Variants in DLG2 observed in about 807,000 individuals in gnomAD.
DLG2 encodes discs large MAGUK scaffold protein 2, also known as disks large homolog 2.
Under a neutral mutation model 132.5 loss-of-function variants are expected in DLG2, and 45 were observed. The observed-to-expected ratio is 0.34, with a 90% CI of 0.27 to 0.44. The LOEUF (loss-of-function observed/expected upper bound fraction) is 0.44. Among genes scored for constraint, DLG2 ranks in the 20% least tolerant of loss-of-function variants. The pLI is 1.00. For synonymous variants in DLG2, 424 were observed against 419.6 expected (o/e 1.01, Z -0.13); for missense variants, 1,045 against 1,196.9 (o/e 0.87, Z 1.87).
rs887368106 is a variant in DLG2, at chr11:85,193,708, T to A, written c.187-39057A>T. On this transcript the variant is annotated intron_variant, in intron 4 of 27. Coordinates refer to ENST00000376104, the MANE Select transcript of DLG2 (RefSeq NM_001142699.3). ...ATTACGTATTCAAATTCTTTGCCCA[T>A]TTTTTTAAAATTGGATTGTATTTTT... Among the ~76,000 whole-genome samples, 5 of 152,334 alleles carry A rather than the reference T, an allele frequency of 3.3e-5. No individual in the cohort carries two copies. In the East Asian group the frequency reaches 5.8e-4, roughly 18 times the overall value.
At chr11:83,513,218 G>A (rs192645431) in intron 21 of DLG2, among the ~76,000 whole-genome samples, 8 of 152,168 alleles carry the variant, frequency 5.3e-5, no homozygotes, top group South Asian at 2.1e-4. Context: ...TTTAATCATC[G>A]CCATTCTAAC....
At chr11:85,509,117 G>A (rs62388) in intron 3 of DLG2, among the ~76,000 whole-genome samples, 133,915 of 152,038 alleles carry the variant, frequency 0.88, 59,210 homozygotes, top group Non-Finnish European at 0.91. Flanking sequence ...CACTTACACA[G>A]AAAATTTCGC....
intron 3 of DLG2, among the ~76,000 whole-genome samples, chr11:85,403,003 A>G (rs551264470): frequency 1.3e-5 from 2 of 152,318 alleles, no homozygotes; most frequent in South Asian, 4.1e-4. Flanking sequence ...TATATACCCA[A>G]AGGATTATAA....
At chr11:84,520,674 G>C (rs528752241) in intron 7 of DLG2, among the ~76,000 whole-genome samples, 3 of 152,194 alleles carry the variant, frequency 2.0e-5, no homozygotes, top group South Asian at 2.1e-4. Context: ...TAGAAAGTGG[G>C]AATGAGAAAA....
chr11:85,551,066 A>T (rs1400309798), intron 3 of DLG2, among the ~76,000 whole-genome samples: 1 of 152,230 alleles, frequency 6.6e-6, no homozygotes, highest in Non-Finnish European at 1.5e-5. Flanking sequence ...CCATTATCAA[A>T]ATATGAGGTA....
intron 16 of DLG2, among the ~76,000 whole-genome samples, chr11:83,866,639 A>C (rs190600634): frequency 6.6e-6 from 1 of 152,196 alleles, no homozygotes; most frequent in Non-Finnish European, 1.5e-5. Context: ...AATTACATTG[A>C]GACCATTTTT....
chr11:83,863,649 T>C (rs1669049874), intron 16 of DLG2, among the ~76,000 whole-genome samples: 1 of 148,136 alleles, frequency 6.8e-6, no homozygotes, highest in Non-Finnish European at 1.5e-5. Context: ...ATTTATAGAC[T>C]TAAAAAAATA....
chr11:84,861,646 A>AAAAAAAAAAAC, intron 6 of DLG2, among the ~76,000 whole-genome samples: 1 of 142,438 alleles, frequency 7.0e-6, no homozygotes, highest in African/African-American at 2.6e-5. Context: ...AAAACAAAAA[A>AAAAAAAAAAAC]AAAAACCTAT....
At chr11:84,578,555 C>T (rs1375325937) in intron 6 of DLG2, among the ~76,000 whole-genome samples, 2 of 152,122 alleles carry the variant, frequency 1.3e-5, no homozygotes, top group Admixed American at 6.5e-5. Flanking sequence ...GCCCTGTAAC[C>T]CCTTTGTTTT....
rs1370426436 is a variant in DLG2 at position 84,779,711 on chromosome 11, CAG to C, written c.358-244982_358-244981del. On this transcript the variant is annotated intron_variant, in intron 6 of 27. Coordinates refer to ENST00000376104, the MANE Select transcript of DLG2 (RefSeq NM_001142699.3). Reference sequence around the variant, plus strand: ...AAAGGAGACATTAAAATTAATGCCACAGAAACATGAAAGTTCATCAGAGACTA... The same window carrying C: ...AAAGGAGACATTAAAATTAATGCCACAAACATGAAAGTTCATCAGAGACTA... Among the ~76,000 whole-genome samples the C allele has an allele frequency of 2.0e-5, 3 of 151,940 alleles. No homozygotes were observed. In the East Asian group the frequency reaches 5.8e-4, roughly 29 times the overall value.
chr11:85,024,729 C>T (rs1181745577), intron 6 of DLG2, among the ~76,000 whole-genome samples: 5 of 152,190 alleles, frequency 3.3e-5, no homozygotes, highest in East Asian at 1.9e-4. Context: ...GTTTCATGAA[C>T]GTACTCCCCT....
At chr11:83,876,806 A>G (rs1202426286) in intron 15 of DLG2, among the ~76,000 whole-genome samples, 1 of 152,172 alleles carries the variant, frequency 6.6e-6, no homozygotes, top group Non-Finnish European at 1.5e-5. Context: ...GTATATATAT[A>G]CAGAAACATA....
At position 85,581,453 on chromosome 11, in the gene DLG2, AC is replaced by A. The variant is rs2078514374; in HGVS notation, c.40+17203del. ...GGTGAAACCCCATCTCTACTAAAAT[AC>A]AAAAAAAAAAAAAATTAGCTGGGCG... On this transcript the variant is annotated intron_variant, in intron 3 of 27. Transcript: ENST00000376104. Among the ~76,000 whole-genome samples the A allele has an allele frequency of 3.3e-5, 5 of 151,192 alleles. No homozygotes were observed. In the South Asian group the frequency reaches 1.0e-3, roughly 32 times the overall value.
At chr11:85,221,201 C>T (rs942761141) in intron 4 of DLG2, among the ~76,000 whole-genome samples, 1 of 151,970 alleles carries the variant, frequency 6.6e-6, no homozygotes, top group African/African-American at 2.4e-5. Flanking sequence ...CGCCACCACA[C>T]CCGGCTAATT....
chr11:84,216,098 C>T (rs1328008846), intron 8 of DLG2, among the ~76,000 whole-genome samples: 1 of 152,134 alleles, frequency 6.6e-6, no homozygotes, highest in Non-Finnish European at 1.5e-5. Flanking sequence ...ATCAAAGTGT[C>T]ACCCATGGCT....
chr11:84,442,044 G>A (rs1428561553), intron 7 of DLG2, among the ~76,000 whole-genome samples: 1 of 152,120 alleles, frequency 6.6e-6, no homozygotes, highest in Non-Finnish European at 1.5e-5. Flanking sequence ...TTTGAAATCA[G>A]GTAATGTGAT....
intron 6 of DLG2, among the ~76,000 whole-genome samples, chr11:84,602,601 C>T (rs1247480044): frequency 6.6e-6 from 1 of 151,910 alleles, no homozygotes; most frequent in Non-Finnish European, 1.5e-5. Context: ...TATATTAAAA[C>T]AACCTATTTT....
intron 7 of DLG2, among the ~76,000 whole-genome samples, chr11:84,502,415 T>TTTCTTTCCTTTCG (rs58799252): frequency 2.0e-5 from 2 of 99,826 alleles, no homozygotes; most frequent in African/African-American, 1.0e-4. Flanking sequence ...TCTTTCTTTC[T>TTTCTTTCCTTTCG]ATACAGAGTC....
intron 6 of DLG2, among the ~76,000 whole-genome samples, chr11:84,779,723 A>C (rs2071367283): frequency 6.6e-6 from 1 of 152,144 alleles, no homozygotes; most frequent in Non-Finnish European, 1.5e-5. Context: ...GAAACATGAA[A>C]GTTCATCAGA....
Sources: allele counts gnomAD v4.1 joint callset (sites outside exome capture counted in the v4.1 genomes callset), GRCh38; gene constraint gnomAD v4.1.1; transcripts MANE v1.5; gene names NCBI Gene and HGNC (gene_info 2026-07-23, HGNC 2026-07-21).